The following RAD51AP2 variants were observed in gnomAD, a reference collection of about 807,000 sequenced individuals.
RAD51AP2 encodes RAD51-associated protein 2.
A neutral mutation model predicts 85.5 loss-of-function variants in RAD51AP2; 67 were observed. That is an observed-to-expected ratio of 0.78 (90% CI 0.64 to 0.96). The LOEUF (loss-of-function observed/expected upper bound fraction) is 0.96, where lower values mean the gene tolerates loss of function less well. Ranked by LOEUF, RAD51AP2 falls within the 40% of genes least tolerant of loss-of-function variation. RAD51AP2 has a pLI of 0.00. For missense variants in RAD51AP2, 1,307 were observed against 1,332.4 expected (o/e 0.98, Z 0.30); for synonymous variants, 474 against 446.5 (o/e 1.06, Z -0.78).
the RAD51AP2 span, among the ~76,000 whole-genome samples, chr2:17,532,359 C>G: frequency 6.6e-6 from 1 of 152,042 alleles, no homozygotes; most frequent in East Asian, 1.9e-4. Flanking sequence ...CTCTGGTGTT[C>G]TCTGGCTTGT....
At chr2:17,530,328 C>T in the RAD51AP2 span, among the ~76,000 whole-genome samples, 1 of 152,042 alleles carries the variant, frequency 6.6e-6, no homozygotes, top group Non-Finnish European at 1.5e-5. Context: ...CTGGGTAAAG[C>T]TTTCTGTAAT....
chr2:17,513,401 C>T (rs1214991512), intron 2 of RAD51AP2, among the ~76,000 whole-genome samples: 1 of 151,872 alleles, frequency 6.6e-6, no homozygotes. Flanking sequence ...CCATGCCTGG[C>T]TAATTTTTAT....
At chr2:17,524,317 T>G in the RAD51AP2 span, among the ~76,000 whole-genome samples, 1 of 151,954 alleles carries the variant, frequency 6.6e-6, no homozygotes, top group Non-Finnish European at 1.5e-5. Flanking sequence ...TCCAAAATAA[T>G]ACACAGTCTT....
rs760017004 is a variant in RAD51AP2, at chr2:17,517,534, T to C, written c.882A>G (p.Thr294=). The C allele has an allele frequency of 1.9e-6, 3 of 1,613,586 alleles. No individual in the cohort carries two copies. In the Admixed American group the frequency reaches 5.0e-5, roughly 27 times the overall value. ...DKKEAYVRDF[T]NIYWSQNRPD... is the part of the protein sequence containing the mutation. ...GTCTATTTTGGGACCAGTAAATGTT[T>C]GTGAAATCCCTAACATATGCCTCTT... The change falls in exon 1 of 3, where the codon ACA becomes ACG. Residue 294 remains threonine, a synonymous_variant. Transcript: ENST00000399080.
At chr2:17,527,904 T>C in the RAD51AP2 span, among the ~76,000 whole-genome samples, 11 of 152,340 alleles carry the variant, frequency 7.2e-5, no homozygotes, top group Admixed American at 7.2e-4. Context: ...ATTAAAATGA[T>C]TTGGCATGGT....
chr2:17,524,748 A>T, the RAD51AP2 span, among the ~76,000 whole-genome samples: 2 of 152,076 alleles, frequency 1.3e-5, no homozygotes, highest in South Asian at 4.1e-4. Flanking sequence ...GACCTACCAT[A>T]TGATAGACAT....
the RAD51AP2 span, among the ~76,000 whole-genome samples, chr2:17,530,904 G>T: frequency 6.6e-6 from 1 of 152,266 alleles, no homozygotes; most frequent in Non-Finnish European, 1.5e-5. Flanking sequence ...CTTTCAAAAT[G>T]CTCATGCTCT....
Position 17,518,182 on chromosome 2 carries a change from C to A in RAD51AP2, c.234G>T (p.Thr78=). 6.2e-7 allele frequency: 1 copy of A among 1,614,142 alleles called. No homozygotes were observed. Among genetic ancestry groups the A allele is most frequent in the Non-Finnish European group, 8.5e-7 (1 of 1,180,006 alleles). ...PRPFKGLLVS[T]NAIFDNSTDS... is the part of the protein sequence containing the mutation. ...CTGTGGAGTTATCGAAAATAGCATT[C>A]GTTGAAACAAGGAGTCCCTTGAAGG... The change falls in exon 1 of 3, where the codon ACG becomes ACT. Residue 78 remains threonine, a synonymous_variant. Transcript: ENST00000399080.
chr2:17,511,017 C>T (rs1662478274), intron 2 of RAD51AP2, 62 bp from the exon 3 acceptor site: 1 of 1,187,246 alleles, frequency 8.4e-7, no homozygotes. Context: ...AAAATCTTTA[C>T]TTCTAATCAT....
chr2:17,524,359 C>T, the RAD51AP2 span, among the ~76,000 whole-genome samples: 6 of 152,030 alleles, frequency 3.9e-5, no homozygotes, highest in Non-Finnish European at 7.4e-5. Flanking sequence ...AGTAGGGAGA[C>T]AGACTTATAG....
At chr2:17,526,627 T>A in the RAD51AP2 span, among the ~76,000 whole-genome samples, 3 of 152,096 alleles carry the variant, frequency 2.0e-5, no homozygotes, top group African/African-American at 7.2e-5. Flanking sequence ...GGAACCAAAA[T>A]ATGCCAGTTT....
chr2:17,531,412 A>G, the RAD51AP2 span, among the ~76,000 whole-genome samples: 1 of 151,954 alleles, frequency 6.6e-6, no homozygotes, highest in South Asian at 2.1e-4. Context: ...TGAACTTCTA[A>G]TACTGTACTA....
upstream of RAD51AP2, among the ~76,000 whole-genome samples, chr2:17,522,441 C>T (rs181160677): frequency 7.4e-4 from 113 of 152,006 alleles, no homozygotes; most frequent in African/African-American, 2.5e-3. Context: ...TATTTGCTAA[C>T]CTTTTTTTTA....
the RAD51AP2 span, among the ~76,000 whole-genome samples, chr2:17,524,272 T>A: frequency 2.0e-5 from 3 of 151,998 alleles, no homozygotes; most frequent in Admixed American, 2.0e-4. Flanking sequence ...ATTGAGCATC[T>A]ATTATTCAGC....
At chr2:17,526,894 G>T in the RAD51AP2 span, among the ~76,000 whole-genome samples, 1 of 152,082 alleles carries the variant, frequency 6.6e-6, no homozygotes, top group Non-Finnish European at 1.5e-5. Context: ...AAACTATTTT[G>T]CACTTTTTTT....
the RAD51AP2 span, among the ~76,000 whole-genome samples, chr2:17,524,454 T>C: frequency 6.6e-6 from 1 of 151,946 alleles, no homozygotes; most frequent in Non-Finnish European, 1.5e-5. Flanking sequence ...TCTGGAGACT[T>C]AGGGGAGACT....
chr2:17,518,866 C>T (rs1441771658), upstream of RAD51AP2, among the ~76,000 whole-genome samples: 1 of 152,098 alleles, frequency 6.6e-6, no homozygotes, highest in Non-Finnish European at 1.5e-5. Flanking sequence ...ATCTCCACAA[C>T]GGCTCGAGTG....
rs952145723 is a variant in RAD51AP2 at position 17,517,948 on chromosome 2, A to C, written c.468T>G (p.Ser156Arg). The change falls in exon 1 of 3, where the codon AGT becomes AGG. Residue 156 changes from serine (S) to arginine (R), a missense_variant. Transcript: ENST00000399080. ...GTATAGAGGTGCTGGGCAGAAGTTG[A>C]CTAACCCCTGCTTTGGAGCTATTAC... The part of the protein sequence containing the change: ...HRSNSSKAGV[S>R]QLLPSTSIHD... The C allele has an allele frequency of 6.2e-7, 1 of 1,614,168 alleles. No individual in the cohort carries two copies. The highest frequency in any genetic ancestry group is 8.5e-7 in the Non-Finnish European group (1 of 1,180,024).
upstream of RAD51AP2, among the ~76,000 whole-genome samples, chr2:17,520,494 C>T (rs1231665487): frequency 1.3e-5 from 2 of 152,104 alleles, no homozygotes; most frequent in African/African-American, 2.4e-5. Context: ...CTTTGAAGTT[C>T]TTACCTTCCT....
Sources: allele counts gnomAD v4.1 joint callset (sites outside exome capture counted in the v4.1 genomes callset), GRCh38; gene constraint gnomAD v4.1.1; transcripts MANE v1.5; gene names NCBI Gene and HGNC (gene_info 2026-07-23, HGNC 2026-07-21).